TMEM131L: variants seen among roughly 807,000 people sequenced by gnomAD.
TMEM131L encodes transmembrane 131 like, also known as transmembrane protein 131-like.
Under a neutral mutation model 192.2 loss-of-function variants are expected in TMEM131L, and 54 were observed. The ratio of observed to expected loss-of-function variants is 0.28; its 90% CI spans 0.23 to 0.35. The LOEUF is 0.35. TMEM131L is among the 10% of genes least tolerant of loss of function. TMEM131L has a pLI of 1.00. For missense variants in TMEM131L, 1,888 were observed against 1,972.9 expected, an observed-to-expected ratio of 0.96 and a Z score of 0.82; for synonymous variants, 701 against 704.9, an observed-to-expected ratio of 0.99 and a Z score of 0.09.
At position 153,585,281 on chromosome 4, in the gene TMEM131L, A is replaced by G. The variant is rs570593992; in HGVS notation, c.1158-177A>G. ...CCTGGTTGCTTCCCCTCGGGCTTCC[A>G]GTTGCTCCCTATGTGAGCCAGAAGG... On this transcript the variant is annotated intron_variant, in intron 12 of 34. Transcript: ENST00000409959. Among the ~76,000 whole-genome samples, 9 of 152,322 alleles carry G rather than the reference A, an allele frequency of 5.9e-5. 1 individual carries two copies. The South Asian group carries it at 1.2e-3, about 21-fold the overall frequency.
intron 8 of TMEM131L, 77 bp downstream of exon 8, chr4:153,580,980 G>T: frequency 1.9e-6 from 2 of 1,057,216 alleles, no homozygotes; most frequent in Non-Finnish European, 2.9e-6. Flanking sequence ...AAGGCTGGGC[G>T]CTGTGGCTCA....
chr4:153,629,573 C>A (rs2083290), intron 31 of TMEM131L, among the ~76,000 whole-genome samples: 26,722 of 152,184 alleles, frequency 0.18, 6,494 homozygotes, highest in African/African-American at 0.55. Flanking sequence ...CATTAGGAGA[C>A]TCCTTAGAAG....
intron 25 of TMEM131L, among the ~76,000 whole-genome samples, chr4:153,605,069 C>T (rs1732126699): frequency 6.6e-6 from 1 of 152,186 alleles, no homozygotes; most frequent in Admixed American, 6.5e-5. Flanking sequence ...TGAAATGTTT[C>T]TGACTGAACA....
intron 3 of TMEM131L, among the ~76,000 whole-genome samples, chr4:153,544,467 TG>T (rs1243656754): frequency 6.6e-6 from 1 of 152,188 alleles, no homozygotes; most frequent in Non-Finnish European, 1.5e-5. Flanking sequence ...GTAGCTGCTA[TG>T]GGGCCCAGGC....
At chr4:153,510,075 A>G (rs868449894) in intron 3 of TMEM131L, among the ~76,000 whole-genome samples, 7 of 152,320 alleles carry the variant, frequency 4.6e-5, no homozygotes, top group Middle Eastern at 3.4e-3. Context: ...TAAAATTTTG[A>G]TACCTGACTC....
chr4:153,614,689 T>C lies in TMEM131L; in HGVS notation c.3567+2289T>C, dbSNP rs145526372. ...GAATAAATGCTTGAATGAATGTGAATATAAGACATTATTGGAAGATCATTC... is the reference window on the plus strand; with the variant it reads ...GAATAAATGCTTGAATGAATGTGAACATAAGACATTATTGGAAGATCATTC... On this transcript the variant is annotated intron_variant, in intron 26 of 34. Coordinates refer to ENST00000409959, the MANE Select transcript of TMEM131L (RefSeq NM_001131007.2). Among the ~76,000 whole-genome samples, 202 of 147,734 alleles carry C rather than the reference T, an allele frequency of 1.4e-3. 1 individual carries two copies. In the Middle Eastern group the frequency reaches 0.021, roughly 15 times the overall value.
At position 153,585,919 on chromosome 4, in the gene TMEM131L, C is replaced by T. The variant is rs191592416; in HGVS notation, c.1312-290C>T. Among the ~76,000 whole-genome samples, 15 of 152,012 alleles carry T rather than the reference C, an allele frequency of 9.9e-5. No individual in the cohort carries two copies. In the East Asian group the frequency reaches 2.9e-3, roughly 29 times the overall value. ...AAAAATATTATGTATATGTATTGTT[C>T]TAAAAAGATTAGTAAAAATGAGCCT... On this transcript the variant is annotated intron_variant, in intron 13 of 34. Transcript: ENST00000409959.
At chr4:153,594,455 T>C (rs1731289105) in intron 19 of TMEM131L, among the ~76,000 whole-genome samples, 1 of 152,224 alleles carries the variant, frequency 6.6e-6, no homozygotes, top group Middle Eastern at 3.2e-3. Context: ...CAGTTTCCAC[T>C]CAGTCATTCC....
intron 3 of TMEM131L, among the ~76,000 whole-genome samples, chr4:153,521,454 T>G (rs1023283816): frequency 1.3e-5 from 2 of 152,226 alleles, no homozygotes; most frequent in African/African-American, 4.8e-5. Context: ...CAGATAGACC[T>G]TATTTTGCAC....
chr4:153,587,906 CTGTAAAGGCA>C lies in TMEM131L; in HGVS notation c.1552+97_1552+106del, dbSNP rs1730806825. Reference sequence around the variant, plus strand: ...GCATTTGTCAATGGAATAATTAGTTCTGTAAAGGCATCATATTCTATAGAGAGGATGATCA... The same window carrying C: ...GCATTTGTCAATGGAATAATTAGTTCTCATATTCTATAGAGAGGATGATCA... On this transcript the variant is annotated intron_variant, in intron 15 of 34. Transcript: ENST00000409959. The C allele has an allele frequency of 1.0e-5, 9 of 876,186 alleles. No homozygotes were observed. In the South Asian group the frequency reaches 1.2e-4, roughly 12 times the overall value. The allele number at this position is 876,186 out of a possible 1,614,324, so 54.3% of individuals were successfully genotyped here. A position where few individuals can be genotyped will look rare whatever the true frequency, so the allele number is the denominator to read the frequency against.
chr4:153,487,731 A>T (rs1732450864), intron 3 of TMEM131L, among the ~76,000 whole-genome samples: 1 of 149,126 alleles, frequency 6.7e-6, no homozygotes, highest in African/African-American at 2.5e-5. Context: ...AGAGAGAGAG[A>T]GAGAGAGACA....
chr4:153,550,548 G>C (rs555260433), intron 4 of TMEM131L, among the ~76,000 whole-genome samples: 1 of 152,136 alleles, frequency 6.6e-6, no homozygotes, highest in Non-Finnish European at 1.5e-5. Context: ...GGATGGTCTT[G>C]ATCTCCTGAC....
At position 153,623,092 on chromosome 4, in the gene TMEM131L, TGAGCAGA is replaced by T; in HGVS notation, c.4045+11_4045+17del. 2 of 1,578,750 alleles carry T rather than the reference TGAGCAGA, an allele frequency of 1.3e-6. No individual in the cohort carries two copies. Among genetic ancestry groups the T allele is most frequent in the South Asian group, 2.3e-5 (2 of 85,192 alleles). On this transcript the variant is annotated intron_variant, in intron 29 of 34. Transcript: ENST00000409959. ...GCACTTCCTGCCGGCCGGTGAGTCC[TGAGCAGA>T]GCCCCAGGCACTCTCGGTGGCCCTT...
At chr4:153,632,430 C>T (rs1049850116) in intron 31 of TMEM131L, 16 of 341,306 alleles carry the variant, frequency 4.7e-5, no homozygotes, top group Non-Finnish European at 7.2e-5. Context: ...ACTGCTGTAT[C>T]CTCAGTATCT....
chr4:153,575,182 C>A (rs902019588), intron 7 of TMEM131L, among the ~76,000 whole-genome samples: 2 of 152,092 alleles, frequency 1.3e-5, no homozygotes, highest in Admixed American at 6.5e-5. Flanking sequence ...TCTGTTATTT[C>A]CTTTCCTGTT....
chr4:153,488,104 CGT>C (rs960793514), intron 3 of TMEM131L, among the ~76,000 whole-genome samples: 63 of 134,668 alleles, frequency 4.7e-4, no homozygotes, highest in African/African-American at 1.7e-3. Context: ...GTTTTGTGTG[CGT>C]GTGTGTGTGT....
chr4:153,623,102 C>T lies in TMEM131L; in HGVS notation c.4045+19C>T. The T allele has an allele frequency of 3.2e-6, 5 of 1,558,118 alleles. No homozygotes were observed. The highest frequency in any genetic ancestry group is 4.3e-6 in the Non-Finnish European group (5 of 1,156,862). The stretch of plus-strand genomic sequence containing the variant: ...CCGGCCGGTGAGTCCTGAGCAGAGC[C>T]CCAGGCACTCTCGGTGGCCCTTCCC... On this transcript the variant is annotated intron_variant, in intron 29 of 34. Transcript: ENST00000409959.
chr4:153,530,852 C>T (rs1005308903), intron 3 of TMEM131L, among the ~76,000 whole-genome samples: 4 of 152,134 alleles, frequency 2.6e-5, no homozygotes, highest in African/African-American at 7.2e-5. Flanking sequence ...GGCACCAGCA[C>T]CCCTTGTGGG....
In TMEM131L at chr4:153,602,348, G is replaced by T; in HGVS notation, c.2453+10G>T. The stretch of plus-strand genomic sequence containing the variant: ...GCGATATCAGCATTGTGTAAGCATT[G>T]GGCTTTAACTTGATTTCAGTTTTGT... On this transcript the variant is annotated intron_variant, in intron 22 of 34. Transcript: ENST00000409959. 2.5e-6 allele frequency: 4 copies of T among 1,606,386 alleles called. No individual in the cohort carries two copies. The highest frequency in any genetic ancestry group is 3.4e-6 in the Non-Finnish European group (4 of 1,178,330).
Sources: gnomAD v4.1 joint callset for allele counts (sites outside exome capture counted in the v4.1 genomes callset) on GRCh38, gnomAD v4.1.1 for gene constraint, MANE v1.5 for transcripts, NCBI Gene and HGNC (gene_info 2026-07-23, HGNC 2026-07-21) for gene names.